The following HDLBP variants were observed in gnomAD, a reference collection of about 807,000 sequenced individuals.
HDLBP encodes the protein vigilin.
HDLBP carries 30 observed loss-of-function variants against 137.3 expected under a neutral mutation model. The observed-to-expected ratio is 0.22, with a 90% CI of 0.16 to 0.30. The LOEUF (loss-of-function observed/expected upper bound fraction) is 0.30, where lower values mean the gene tolerates loss of function less well. HDLBP is among the 10% of genes least tolerant of loss of function. The probability of loss-of-function intolerance (pLI) is 1.00; values close to 1 mark genes in which losing one functional copy is unlikely to be tolerated. For missense variants in HDLBP, 1,119 were observed against 1,667.3 expected (o/e 0.67, Z 5.73); for synonymous variants, 606 against 596.0 (o/e 1.02, Z -0.24).
Position 241,239,878 on chromosome 2 carries a change from G to A in HDLBP, c.2391+23C>T, listed in dbSNP as rs368346135. 1.9e-5 allele frequency: 31 copies of A among 1,612,400 alleles called. No individual in the cohort carries two copies. The highest frequency in any genetic ancestry group is 5.3e-5 in the African/African-American group (4 of 74,974). Reference sequence around the variant, plus strand: ...ACCCCATCACGGCCCCAGCAGAGTCGGCCGCCGAGGCCCGCTCCCTACCAG... The same window carrying A: ...ACCCCATCACGGCCCCAGCAGAGTCAGCCGCCGAGGCCCGCTCCCTACCAG... On this transcript the variant is annotated intron_variant, in intron 18 of 27. Coordinates refer to ENST00000310931, the MANE Select transcript of HDLBP (RefSeq NM_005336.6). This position sits in a 1 kb window ranked among gnomAD's most constrained non-coding sequence, Gnocchi z 4.6.
At chr2:241,289,442 G>A (rs1047007677) in intron 1 of HDLBP, among the ~76,000 whole-genome samples, 2 of 152,154 alleles carry the variant, frequency 1.3e-5, no homozygotes, top group Non-Finnish European at 2.9e-5. Flanking sequence ...TAAACTGCAC[G>A]AATACAAGCA....
rs150615036 is a variant in HDLBP, at chr2:241,282,414, T to C, written c.-102-13873A>G. On this transcript the variant is annotated intron_variant, in intron 1 of 27. Coordinates refer to ENST00000310931, the MANE Select transcript of HDLBP (RefSeq NM_005336.6). The stretch of plus-strand genomic sequence containing the variant: ...GTGGTCTCTTTGGAGAGCGTACATA[T>C]TTGATTGTGGACTGAGATTTAAAAC... 8.3e-4 allele frequency among the ~76,000 whole-genome samples: 127 copies of C among 152,324 alleles called. 2 individuals are homozygous for C. The East Asian group carries it at 0.021, about 25-fold the overall frequency.
At position 241,227,590 on chromosome 2, in the gene HDLBP, G is replaced by C. The variant is rs545010426; in HGVS notation, c.*2011C>G. ...ACCACCCAAAGGAAAAGAGAGCGCT[G>C]AACAGTTTAGGAAAGGGCTCGCGTC... On this transcript the variant is annotated 3_prime_UTR_variant, in exon 28 of 28. Coordinates refer to ENST00000310931, the MANE Select transcript of HDLBP (RefSeq NM_005336.6). The C allele has an allele frequency of 1.3e-5, 2 of 152,668 alleles. No homozygotes were observed. Among genetic ancestry groups the C allele is most frequent in the Admixed American group, 1.3e-4 (2 of 15,274 alleles). The allele number at this position is 152,668 out of a possible 1,614,324, so 9.5% of individuals were successfully genotyped here.
At chr2:241,234,657 G>A (rs972679363) in intron 23 of HDLBP, among the ~76,000 whole-genome samples, 4 of 152,186 alleles carry the variant, frequency 2.6e-5, no homozygotes, top group South Asian at 2.1e-4. Flanking sequence ...CGTCTGCAGC[G>A]CTCCGCTCAT....
intron 17 of HDLBP, among the ~76,000 whole-genome samples, chr2:241,241,552 GC>G (rs2071221807): frequency 9.5e-6 from 1 of 105,158 alleles, no homozygotes; most frequent in South Asian, 3.4e-4. Flanking sequence ...GGGCGACAGA[GC>G]AAGACTCCGT....
At position 241,239,565 on chromosome 2, in the gene HDLBP, G is replaced by A; in HGVS notation, c.2610+37C>T. 2 of 1,552,658 alleles carry A rather than the reference G, an allele frequency of 1.3e-6. No homozygotes were observed. The highest frequency in any genetic ancestry group is 1.8e-6 in the Non-Finnish European group (2 of 1,125,142). Reference sequence around the variant, plus strand: ...CACGGCTTCGGTGAGTGGCCACTGGGGGGTGAGAACCCCTCCCCGAGCACC... The same window carrying A: ...CACGGCTTCGGTGAGTGGCCACTGGAGGGTGAGAACCCCTCCCCGAGCACC... On this transcript the variant is annotated intron_variant, in intron 19 of 27. Coordinates refer to ENST00000310931, the MANE Select transcript of HDLBP (RefSeq NM_005336.6). This position sits in a 1 kb window ranked among gnomAD's most constrained non-coding sequence, Gnocchi z 4.6.
chr2:241,303,218 G>A (rs2075450402), intron 1 of HDLBP, among the ~76,000 whole-genome samples: 1 of 152,204 alleles, frequency 6.6e-6, no homozygotes, highest in Non-Finnish European at 1.5e-5. Flanking sequence ...TGTGTTTAGA[G>A]GCCGACAGAA....
intron 5 of HDLBP, among the ~76,000 whole-genome samples, chr2:241,258,291 G>A (rs1485249927): frequency 1.5e-5 from 2 of 132,728 alleles, no homozygotes; most frequent in African/African-American, 2.8e-5. Flanking sequence ...AGCTTGCAGT[G>A]AGCCGAGATC....
chr2:241,233,940 A>G lies in HDLBP; in HGVS notation c.3168T>C (p.Ser1056=). 1 of 1,614,152 alleles carries G rather than the reference A, an allele frequency of 6.2e-7. No individual in the cohort carries two copies. The highest frequency in any genetic ancestry group is 1.1e-5 in the South Asian group (1 of 91,078). ...EDRALRSFKL[S]VTVDPKYHPK... ...GATGGTATTTGGGGTCTACAGTGAC[A>G]CTCAGCTTAAAACTCCTTAAAGCCT... The change falls in exon 24 of 28, where the codon AGT becomes AGC. Residue 1056 remains serine, a synonymous_variant. Transcript: ENST00000310931. This position sits in a 1 kb window ranked among gnomAD's most constrained non-coding sequence, Gnocchi z 4.3.
In HDLBP at chr2:241,272,569, C is replaced by T; in HGVS notation, c.-102-4028G>A. 2 of 984,348 alleles carry T rather than the reference C, an allele frequency of 2.0e-6. No individual in the cohort carries two copies. The highest frequency in any genetic ancestry group is 1.1e-4 in the East Asian group (1 of 8,734). 61.0% of individuals were successfully genotyped at this position (984,348 alleles called of 1,614,324 possible). A position where few individuals can be genotyped will look rare whatever the true frequency, so the allele number is the denominator to read the frequency against. On this transcript the variant is annotated intron_variant, in intron 1 of 27. Transcript: ENST00000310931. This position sits in a 1 kb window ranked among gnomAD's most constrained non-coding sequence, Gnocchi z 5.6. ...GCCGGCCCCAGGTCTGGCCCGGAAC[C>T]GCCACGCGCGGTAAGCAGGACACCC...
At chr2:241,280,331 G>A (rs2074546681) in intron 1 of HDLBP, among the ~76,000 whole-genome samples, 1 of 152,094 alleles carries the variant, frequency 6.6e-6, no homozygotes, top group Non-Finnish European at 1.5e-5. Context: ...TGGCTCACAT[G>A]TATTTACTGC....
Position 241,296,294 on chromosome 2 carries a change from T to C in HDLBP, c.-103+19276A>G, listed in dbSNP as rs182410073. On this transcript the variant is annotated intron_variant, in intron 1 of 27. Coordinates refer to ENST00000310931, the MANE Select transcript of HDLBP (RefSeq NM_005336.6). The stretch of plus-strand genomic sequence containing the variant: ...AGCAAGGAATTGGGCCAATTTGTTA[T>C]CCATTTTGAAAACATATAAAGTTTG... Among the ~76,000 whole-genome samples, 55 of 152,306 alleles carry C rather than the reference T, an allele frequency of 3.6e-4. 1 individual carries two copies. Among genetic ancestry groups the C allele is most frequent in the East Asian group, 1.9e-4 (1 of 5,180 alleles).
intron 1 of HDLBP, among the ~76,000 whole-genome samples, chr2:241,296,633 C>A (rs576080603): frequency 6.6e-6 from 1 of 152,218 alleles, no homozygotes; most frequent in South Asian, 2.1e-4. Context: ...CATAAAATTG[C>A]CCACAAACAC....
At chr2:241,257,991 C>G (rs1246234927) in intron 5 of HDLBP, among the ~76,000 whole-genome samples, 1 of 152,318 alleles carries the variant, frequency 6.6e-6, no homozygotes, top group East Asian at 1.9e-4. Flanking sequence ...AGTGATGGCA[C>G]GCCTGTAATC....
At chr2:241,313,935 A>G (rs1485283271) in intron 1 of HDLBP, among the ~76,000 whole-genome samples, 1 of 152,192 alleles carries the variant, frequency 6.6e-6, no homozygotes, top group African/African-American at 2.4e-5. Flanking sequence ...TGATAAGATG[A>G]GCTAAGTCCC....
intron 5 of HDLBP, among the ~76,000 whole-genome samples, chr2:241,259,956 A>T (rs931887189): frequency 6.6e-6 from 1 of 152,206 alleles, no homozygotes; most frequent in Non-Finnish European, 1.5e-5. Flanking sequence ...AATATGTAAG[A>T]TTAGCCTGAG....
chr2:241,270,344 T>A (rs1052732989), intron 1 of HDLBP, among the ~76,000 whole-genome samples: 24 of 152,188 alleles, frequency 1.6e-4, no homozygotes, highest in African/African-American at 5.8e-4. Context: ...TTTGACAGGC[T>A]ATACTGGGTC....
At chr2:241,281,084 G>A (rs1257329152) in intron 1 of HDLBP, among the ~76,000 whole-genome samples, 12 of 152,292 alleles carry the variant, frequency 7.9e-5, no homozygotes, top group African/African-American at 2.4e-4. Context: ...GGCTGGGCGC[G>A]GTGGCTCACG....
intron 23 of HDLBP, 121 bp from the exon 24 acceptor site, chr2:241,234,084 C>T (rs2070111527): frequency 8.1e-6 from 9 of 1,114,392 alleles, no homozygotes; most frequent in East Asian, 2.4e-5. Context: ...ACCCGTGGTC[C>T]GGAATGGTCC....
Sources: allele counts gnomAD v4.1 joint callset (sites outside exome capture counted in the v4.1 genomes callset), GRCh38; gene constraint gnomAD v4.1.1; non-coding constraint Gnocchi (gnomAD v3.1); transcripts MANE v1.5; gene names NCBI Gene and HGNC (gene_info 2026-07-23, HGNC 2026-07-21).